Variants in PRKG1 observed in about 807,000 individuals in gnomAD.
PRKG1 encodes the protein protein kinase cGMP-dependent 1.
A neutral mutation model predicts 88.1 loss-of-function variants in PRKG1; 35 were observed. That is an observed-to-expected ratio of 0.40 (90% CI 0.30 to 0.53). PRKG1 has a LOEUF of 0.53. Ranked by LOEUF, PRKG1 falls within the 20% of genes least tolerant of loss-of-function variation. PRKG1 has a pLI of 0.59. For missense variants in PRKG1, 540 were observed against 839.8 expected, an observed-to-expected ratio of 0.64 and a Z score of 4.41; for synonymous variants, 303 against 292.5, an observed-to-expected ratio of 1.04 and a Z score of -0.37.
At chr10:51,346,456 T>C (rs1397451392) in intron 2 of PRKG1, among the ~76,000 whole-genome samples, 1 of 152,228 alleles carries the variant, frequency 6.6e-6, no homozygotes. Context: ...AAATTAAGAT[T>C]TTTATCTAGA....
chr10:52,111,182 A>C (rs1479449352), intron 7 of PRKG1, among the ~76,000 whole-genome samples: 2 of 152,238 alleles, frequency 1.3e-5, no homozygotes, highest in African/African-American at 4.8e-5. Flanking sequence ...TCATCACACA[A>C]GATAGAAAGT....
At chr10:51,061,060 G>GGTGTGTGTGTGTGTGTGT (rs71029344) in intron 1 of PRKG1, among the ~76,000 whole-genome samples, 8,685 of 147,068 alleles carry the variant, frequency 0.059, 663 homozygotes, top group African/African-American at 0.17. Context: ...TATACCTAGG[G>GGTGTGTGTGTGTGTGTGT]GTGTGTGTGT....
intron 12 of PRKG1, among the ~76,000 whole-genome samples, chr10:52,279,481 G>A (rs1022403486): frequency 6.6e-6 from 1 of 152,142 alleles, no homozygotes; most frequent in East Asian, 1.9e-4. Flanking sequence ...GGTTATTTCA[G>A]TGAAAACTCA....
In PRKG1 at chr10:51,804,694, G is replaced by A. The variant is rs374166820; in HGVS notation, c.698+4G>A. 9 of 1,529,686 alleles carry A rather than the reference G, an allele frequency of 5.9e-6. No individual in the cohort carries two copies. The East Asian group carries it at 1.8e-4, about 31-fold the overall frequency. The allele number at this position is 1,529,686 out of a possible 1,614,324, so 94.8% of individuals were successfully genotyped here. A position where few individuals can be genotyped will look rare whatever the true frequency, so the allele number is the denominator to read the frequency against. On this transcript the variant is annotated splice_donor_region_variant and intron_variant, in intron 4 of 17. Coordinates refer to ENST00000373980, the MANE Select transcript of PRKG1 (RefSeq NM_006258.4). Reference sequence around the variant, plus strand: ...AGTATATGGAATTTTTAAAAAGGTAGGATGCTTTCTTTTCTCTTGTGAGAG... The same window carrying A: ...AGTATATGGAATTTTTAAAAAGGTAAGATGCTTTCTTTTCTCTTGTGAGAG...
rs185517456 is a variant in PRKG1, at chr10:51,367,181, C to T, written c.479-100542C>T. Among the ~76,000 whole-genome samples, 361 of 151,994 alleles carry T rather than the reference C, an allele frequency of 2.4e-3. 5 individuals carry two copies. The South Asian group carries it at 0.031, about 13-fold the overall frequency. ...TAAAAAGAAAGTATTTTCAGCTCCA[C>T]GGATTTCAACAGGGAGGCTTTTAAC... On this transcript the variant is annotated intron_variant, in intron 2 of 17. Coordinates refer to ENST00000373980, the MANE Select transcript of PRKG1 (RefSeq NM_006258.4).
intron 8 of PRKG1, among the ~76,000 whole-genome samples, chr10:52,153,785 G>A (rs1054319138): frequency 7.2e-5 from 11 of 152,034 alleles, no homozygotes; most frequent in African/African-American, 2.7e-4. Context: ...CGCTCTTGTT[G>A]CCCAGGCTGG....
chr10:51,613,706 A>AT (rs1348316742), intron 3 of PRKG1, among the ~76,000 whole-genome samples: 2 of 151,108 alleles, frequency 1.3e-5, no homozygotes, highest in Non-Finnish European at 3.0e-5. Context: ...ATTTGTTTTA[A>AT]TTTTTTTATT....
intron 5 of PRKG1, among the ~76,000 whole-genome samples, chr10:51,945,442 T>C (rs1210167945): frequency 6.7e-6 from 1 of 149,792 alleles, no homozygotes; most frequent in Admixed American, 6.6e-5. Flanking sequence ...ATTGGAGCAT[T>C]TAGTCCGTTT....
chr10:51,064,977 T>A (rs2132788424), intron 1 of PRKG1, among the ~76,000 whole-genome samples: 1 of 152,210 alleles, frequency 6.6e-6, no homozygotes, highest in South Asian at 2.1e-4. Context: ...GGAGGTAAAT[T>A]TGCTTCTTGA....
intron 3 of PRKG1, among the ~76,000 whole-genome samples, chr10:51,526,802 A>T (rs1841896384): frequency 6.6e-6 from 1 of 152,102 alleles, no homozygotes; most frequent in East Asian, 1.9e-4. Context: ...ATATTCTTTT[A>T]TCCAGCATTT....
intron 3 of PRKG1, among the ~76,000 whole-genome samples, chr10:51,480,596 C>T (rs2132845879): frequency 6.6e-6 from 1 of 151,804 alleles, no homozygotes; most frequent in Middle Eastern, 3.5e-3. Context: ...GTGTAGGAGA[C>T]CCATGGCTAA....
intron 5 of PRKG1, among the ~76,000 whole-genome samples, chr10:52,029,345 G>A (rs1845422459): frequency 6.6e-6 from 1 of 151,952 alleles, no homozygotes; most frequent in Admixed American, 6.6e-5. Flanking sequence ...TCTCCACCAA[G>A]CTCACAGTAA....
At chr10:51,067,712 C>A (rs1454060014) in intron 1 of PRKG1, among the ~76,000 whole-genome samples, 2 of 151,974 alleles carry the variant, frequency 1.3e-5, no homozygotes, top group Non-Finnish European at 2.9e-5. Context: ...TACAGTGACT[C>A]TAGACAGACA....
At chr10:51,923,445 T>C (rs1013526058) in intron 5 of PRKG1, among the ~76,000 whole-genome samples, 7 of 150,962 alleles carry the variant, frequency 4.6e-5, no homozygotes, top group Non-Finnish European at 1.0e-4. Flanking sequence ...TATTATTATA[T>C]GCTAATTTGT....
intron 2 of PRKG1, among the ~76,000 whole-genome samples, chr10:51,225,270 A>G (rs920232169): frequency 6.6e-6 from 1 of 152,022 alleles, no homozygotes; most frequent in African/African-American, 2.4e-5. Flanking sequence ...TCTCTTTTAT[A>G]AGGGCCCTCA....
intron 4 of PRKG1, among the ~76,000 whole-genome samples, chr10:51,845,646 T>A (rs1031253972): frequency 2.0e-5 from 3 of 152,124 alleles, no homozygotes; most frequent in Non-Finnish European, 4.4e-5. Context: ...ATCTCCAGAC[T>A]TTTTTTATGT....
rs777908809 is a variant in PRKG1 at position 52,145,202 on chromosome 10, G to A, written c.1001+11297G>A. Among the ~76,000 whole-genome samples, 10 of 152,116 alleles carry A rather than the reference G, an allele frequency of 6.6e-5. No homozygotes were observed. The East Asian group carries it at 1.2e-3, about 18-fold the overall frequency. ...ATATAATAATCACAGCTTTGATTAC[G>A]TTAATTACAGTTATTGTTTTGTTTT... is the stretch of plus-strand genomic sequence containing the variant. On this transcript the variant is annotated intron_variant, in intron 8 of 17. Coordinates refer to ENST00000373980, the MANE Select transcript of PRKG1 (RefSeq NM_006258.4).
chr10:51,352,695 A>T (rs1391666902), intron 2 of PRKG1, among the ~76,000 whole-genome samples: 1 of 152,160 alleles, frequency 6.6e-6, no homozygotes, highest in Non-Finnish European at 1.5e-5. Flanking sequence ...ACTCAAAGCA[A>T]TCTACAGATT....
chr10:52,131,249 G>A (rs75069889), intron 7 of PRKG1, among the ~76,000 whole-genome samples: 10 of 152,190 alleles, frequency 6.6e-5, no homozygotes, highest in South Asian at 2.1e-4. Context: ...CTATGGTCCC[G>A]GCCCTCATAG....
Sources: allele counts gnomAD v4.1 joint callset (sites outside exome capture counted in the v4.1 genomes callset), GRCh38; gene constraint gnomAD v4.1.1; transcripts MANE v1.5; gene names NCBI Gene and HGNC (gene_info 2026-07-23, HGNC 2026-07-21).